The following EPB41L4A variants were observed in gnomAD, a reference collection of about 807,000 sequenced individuals.
EPB41L4A encodes the protein band 4.1-like protein 4A.
EPB41L4A carries 100 observed loss-of-function variants against 108.6 expected under a neutral mutation model. The ratio of observed to expected loss-of-function variants is 0.92; its 90% CI spans 0.78 to 1.09. EPB41L4A has a LOEUF of 1.09. EPB41L4A is among the 50% of genes least tolerant of loss of function. The pLI is 0.00. For synonymous variants in EPB41L4A, 319 were observed against 289.0 expected (o/e 1.10, Z -1.05); for missense variants, 1,030 against 842.7 (o/e 1.22, Z -2.75).
At chr5:112,285,155 T>TG (rs1753207283) in intron 2 of EPB41L4A, among the ~76,000 whole-genome samples, 1 of 152,198 alleles carries the variant, frequency 6.6e-6, no homozygotes, top group South Asian at 2.1e-4. Context: ...CAGAGTCCAA[T>TG]GCTGACTCTC....
chr5:112,214,148 A>C (rs1747438468), intron 12 of EPB41L4A, among the ~76,000 whole-genome samples: 1 of 152,164 alleles, frequency 6.6e-6, no homozygotes, highest in African/African-American at 2.4e-5. Context: ...CTCCTACATC[A>C]GCTCAGACTC....
At chr5:112,169,403 A>C (rs946605569) in intron 20 of EPB41L4A, among the ~76,000 whole-genome samples, 7 of 152,182 alleles carry the variant, frequency 4.6e-5, no homozygotes, top group Admixed American at 6.5e-5. Flanking sequence ...AATTCTTCTT[A>C]GTAGCGTGGA....
intron 9 of EPB41L4A, among the ~76,000 whole-genome samples, chr5:112,252,438 G>T (rs1424682375): frequency 6.6e-6 from 1 of 152,094 alleles, no homozygotes; most frequent in Admixed American, 6.6e-5. Flanking sequence ...GGACAGGGTT[G>T]ATACAACATG....
chr5:112,326,626 A>G (rs1756182181), intron 1 of EPB41L4A, among the ~76,000 whole-genome samples: 1 of 152,160 alleles, frequency 6.6e-6, no homozygotes, highest in Admixed American at 6.5e-5. Context: ...TATTTCATTT[A>G]CCATTGCTTA....
downstream of EPB41L4A, chr5:112,161,497 G>A (rs755595740): frequency 7.7e-6 from 4 of 518,880 alleles, no homozygotes; most frequent in Admixed American, 7.8e-5. Context: ...CCTTTGTGTT[G>A]CCCATTCACT....
In EPB41L4A at chr5:112,347,829, C is replaced by T. The variant is rs144722451; in HGVS notation, c.100-40339G>A. On this transcript the variant is annotated intron_variant, in intron 1 of 22. Transcript: ENST00000261486. ...TCTAAAGACAAAGCTTCAGCATTAC[C>T]ACTCTCCGGTCCAGCTACCCAGCCA... Among the ~76,000 whole-genome samples the T allele has an allele frequency of 3.3e-4, 50 of 152,258 alleles. No individual in the cohort carries two copies. In the East Asian group the frequency reaches 4.3e-3, roughly 13 times the overall value.
intron 18 of EPB41L4A, among the ~76,000 whole-genome samples, chr5:112,177,092 T>A (rs1760906983): frequency 6.6e-6 from 1 of 152,030 alleles, no homozygotes; most frequent in African/African-American, 2.4e-5. Context: ...CACAAATATA[T>A]ATATATAATT....
intron 17 of EPB41L4A, among the ~76,000 whole-genome samples, chr5:112,191,785 T>C (rs2288396): frequency 0.35 from 52,998 of 151,808 alleles, 10,103 homozygotes; most frequent in East Asian, 0.68. Flanking sequence ...TTCCAATGGA[T>C]ACATCACGGG....
intron 1 of EPB41L4A, among the ~76,000 whole-genome samples, chr5:112,414,002 G>A (rs1232811974): frequency 6.6e-6 from 1 of 151,902 alleles, no homozygotes; most frequent in Admixed American, 6.6e-5. Context: ...CAGCATGAAT[G>A]TAGAAGGTGA....
chr5:112,221,227 A>G (rs1383333392), intron 12 of EPB41L4A, among the ~76,000 whole-genome samples: 2 of 152,178 alleles, frequency 1.3e-5, no homozygotes, highest in African/African-American at 4.8e-5. Flanking sequence ...TTGCAATAGC[A>G]TCATGGACTG....
chr5:112,367,622 A>G (rs1008935063), intron 1 of EPB41L4A, among the ~76,000 whole-genome samples: 6 of 152,142 alleles, frequency 3.9e-5, no homozygotes, highest in African/African-American at 1.2e-4. Context: ...TTCCTCCCAA[A>G]CCAACACCAT....
At chr5:112,393,574 G>T (rs1224297537) in intron 1 of EPB41L4A, among the ~76,000 whole-genome samples, 1 of 152,082 alleles carries the variant, frequency 6.6e-6, no homozygotes, top group Non-Finnish European at 1.5e-5. Context: ...ACCAATAACA[G>T]GCTCTGAAAT....
rs1467181587 is a variant in EPB41L4A at position 112,259,115 on chromosome 5, C to T, written c.795+114G>A. ...AAGTTGTGCATGTGAGTTAATTAAC[C>T]TGGTTCCATGTGGAAGCAGCTGAAG... On this transcript the variant is annotated intron_variant, in intron 9 of 22. Coordinates refer to ENST00000261486, the MANE Select transcript of EPB41L4A (RefSeq NM_022140.5). The T allele has an allele frequency of 1.5e-5, 12 of 799,202 alleles. No homozygotes were observed. The East Asian group carries it at 1.7e-4, about 12-fold the overall frequency. 49.5% of individuals were successfully genotyped at this position (799,202 alleles called of 1,614,324 possible).
At chr5:112,315,175 T>C (rs892512432) in intron 1 of EPB41L4A, among the ~76,000 whole-genome samples, 16 of 152,204 alleles carry the variant, frequency 1.1e-4, no homozygotes, top group African/African-American at 3.6e-4. Flanking sequence ...ACCTTCTTCA[T>C]AAAGCCTGTC....
At chr5:112,310,661 T>C (rs2150587795) in intron 1 of EPB41L4A, among the ~76,000 whole-genome samples, 1 of 152,366 alleles carries the variant, frequency 6.6e-6, no homozygotes, top group Non-Finnish European at 1.5e-5. Context: ...GTTTGTCCTT[T>C]CAGCTTTGAG....
chr5:112,344,557 G>C (rs1180191685), intron 1 of EPB41L4A, among the ~76,000 whole-genome samples: 2 of 152,218 alleles, frequency 1.3e-5, no homozygotes, highest in South Asian at 2.1e-4. Flanking sequence ...TTTCTGTGAA[G>C]ATACTATGTA....
chr5:112,177,048 C>A (rs1037550745), intron 18 of EPB41L4A, among the ~76,000 whole-genome samples: 5 of 152,194 alleles, frequency 3.3e-5, no homozygotes, highest in Admixed American at 3.3e-4. Flanking sequence ...AGCCACCGTC[C>A]CCGGCCAGCA....
At chr5:112,220,557 G>C (rs754600672) in intron 12 of EPB41L4A, among the ~76,000 whole-genome samples, 23 of 152,160 alleles carry the variant, frequency 1.5e-4, no homozygotes, top group Non-Finnish European at 2.6e-4. Context: ...TTTTAGAAAA[G>C]AGAATCTAGA....
intron 2 of EPB41L4A, among the ~76,000 whole-genome samples, chr5:112,298,587 G>C (rs1009368216): frequency 6.6e-6 from 1 of 152,036 alleles, no homozygotes; most frequent in South Asian, 2.1e-4. Flanking sequence ...TTTGGTTAGC[G>C]AGTATTTTGT....
Sources: allele counts gnomAD v4.1 joint callset (sites outside exome capture counted in the v4.1 genomes callset), GRCh38; gene constraint gnomAD v4.1.1; transcripts MANE v1.5; gene names NCBI Gene and HGNC (gene_info 2026-07-23, HGNC 2026-07-21).